The following XNDC1N variants were observed in gnomAD, a reference collection of about 807,000 sequenced individuals.
XNDC1N encodes the protein XRCC1 N-terminal domain containing 1, N-terminal like, also known as protein XNDC1N.
At chr11:71,914,979 C>G in the XNDC1N span, among the ~76,000 whole-genome samples, 1 of 152,126 alleles carries the variant, frequency 6.6e-6, no homozygotes, top group African/African-American at 2.4e-5. Context: ...AAAATGGTAT[C>G]AAACAGTATC....
chr11:71,928,021 T>G, the XNDC1N span: 1 of 164,844 alleles, frequency 6.1e-6, no homozygotes, highest in South Asian at 1.3e-4. Flanking sequence ...GCTTGCAAGG[T>G]ATCGAGTTCA....
At chr11:71,899,867 G>A in the XNDC1N span, among the ~76,000 whole-genome samples, 4 of 152,164 alleles carry the variant, frequency 2.6e-5, no homozygotes, top group Non-Finnish European at 4.4e-5. Context: ...AGAGAGGAAG[G>A]CCCCTGTCTC....
chr11:71,918,896 T>G, the XNDC1N span: 3 of 702,756 alleles, frequency 4.3e-6, no homozygotes, highest in African/African-American at 1.7e-5. Context: ...CACATCAATG[T>G]AGCCAGTGGG....
the XNDC1N span, among the ~76,000 whole-genome samples, chr11:71,897,207 CA>C: frequency 1.3e-5 from 2 of 152,100 alleles, no homozygotes; most frequent in Non-Finnish European, 2.9e-5. Context: ...GCATAGGCAA[CA>C]AAAGAAAATT....
chr11:71,889,210 G>A, the XNDC1N span, among the ~76,000 whole-genome samples: 1 of 152,204 alleles, frequency 6.6e-6, no homozygotes, highest in Non-Finnish European at 1.5e-5. Context: ...AGTTCATGGA[G>A]CGTGATAGAA....
chr11:71,893,537 C>T, the XNDC1N span: 10 of 856,762 alleles, frequency 1.2e-5, no homozygotes, highest in South Asian at 5.4e-5. Context: ...GAACTGCAGC[C>T]GCTCCTCGCT....
At chr11:71,903,059 G>T in the XNDC1N span, 1 of 503,372 alleles carries the variant, frequency 2.0e-6, no homozygotes, top group East Asian at 4.0e-5. Flanking sequence ...AGTGTGGATT[G>T]CTCTGAAATC....
chr11:71,871,804 CAAT>C, the XNDC1N span, among the ~76,000 whole-genome samples: 372 of 152,210 alleles, frequency 2.4e-3, 1 homozygote, highest in Middle Eastern at 0.01. Flanking sequence ...ATTAAAACCA[CAAT>C]GAGAAGCCAC....
chr11:71,907,718 G>A, the XNDC1N span, among the ~76,000 whole-genome samples: 4 of 152,080 alleles, frequency 2.6e-5, no homozygotes, highest in African/African-American at 9.7e-5. Context: ...ATATCAGTTG[G>A]GGACGTGTCC....
the XNDC1N span, among the ~76,000 whole-genome samples, chr11:71,895,613 G>A: frequency 6.6e-6 from 1 of 151,886 alleles, no homozygotes; most frequent in Non-Finnish European, 1.5e-5. Flanking sequence ...AGGCATGCGC[G>A]ACCGCGCCCA....
the XNDC1N span, chr11:71,928,353 A>C: frequency 1.6e-6 from 1 of 644,100 alleles, no homozygotes; most frequent in Non-Finnish European, 2.8e-6. Context: ...AACAAATCCC[A>C]ACGCCCCTCA....
At chr11:71,897,536 G>T in the XNDC1N span, among the ~76,000 whole-genome samples, 1,266 of 152,120 alleles carry the variant, frequency 8.3e-3, 21 homozygotes, top group African/African-American at 0.029. Context: ...TGATACCACA[G>T]ATTAGGATGG....
At chr11:71,874,873 G>A in the XNDC1N span, among the ~76,000 whole-genome samples, 1 of 152,096 alleles carries the variant, frequency 6.6e-6, no homozygotes. Context: ...GTTGAACAAA[G>A]TTATTATCCA....
chr11:71,923,662 T>G, the XNDC1N span, among the ~76,000 whole-genome samples: 1 of 151,760 alleles, frequency 6.6e-6, no homozygotes, highest in Non-Finnish European at 1.5e-5. Context: ...TTCACGCCAT[T>G]CTCCTGCTTC....
At chr11:71,927,424 G>A in the XNDC1N span, among the ~76,000 whole-genome samples, 1 of 152,042 alleles carries the variant, frequency 6.6e-6, no homozygotes, top group African/African-American at 2.4e-5. Flanking sequence ...GGGAGGCTGA[G>A]ACATGAGAAT....
the XNDC1N span, among the ~76,000 whole-genome samples, chr11:71,878,154 A>G: frequency 8.5e-4 from 130 of 152,328 alleles, no homozygotes; most frequent in Middle Eastern, 3.4e-3. Context: ...CAGTTCCTCC[A>G]GAATGCATAA....
At chr11:71,912,194 C>A in the XNDC1N span, among the ~76,000 whole-genome samples, 1 of 152,206 alleles carries the variant, frequency 6.6e-6, no homozygotes, top group Admixed American at 6.5e-5. Context: ...TCCAGCCGTT[C>A]CGCCCGGCAT....
chr11:71,874,221 G>T, the XNDC1N span, among the ~76,000 whole-genome samples: 5 of 152,188 alleles, frequency 3.3e-5, no homozygotes, highest in African/African-American at 9.7e-5. Context: ...TCGGGAGGCT[G>T]ACACACAAGA....
At chr11:71,893,102 A>G in the XNDC1N span, among the ~76,000 whole-genome samples, 30 of 152,330 alleles carry the variant, frequency 2.0e-4, no homozygotes, top group African/African-American at 6.5e-4. Context: ...ATTTCTTTCA[A>G]TTAGACTGAG....
Sources: gnomAD v4.1 joint callset for allele counts (sites outside exome capture counted in the v4.1 genomes callset) on GRCh38, gnomAD v4.1.1 for gene constraint, MANE v1.5 for transcripts, NCBI Gene and HGNC (gene_info 2026-07-23, HGNC 2026-07-21) for gene names.